DISP1: variants seen among roughly 807,000 people sequenced by gnomAD.
DISP1 encodes the protein protein dispatched homolog 1.
DISP1 carries 30 observed loss-of-function variants against 37.3 expected under a neutral mutation model. That is an observed-to-expected ratio of 0.80 (90% CI 0.60 to 1.09). The LOEUF is 1.09. DISP1 is among the 50% of genes least tolerant of loss of function. The pLI, the probability that DISP1 is intolerant of heterozygous loss-of-function variation, is 0.00. For missense variants in DISP1, 1,598 were observed against 1,879.5 expected, an observed-to-expected ratio of 0.85 and a Z score of 2.77; for synonymous variants, 634 against 690.2, an observed-to-expected ratio of 0.92 and a Z score of 1.28.
intron 1 of DISP1, among the ~76,000 whole-genome samples, chr1:222,846,059 T>G (rs1246184429): frequency 1.3e-5 from 2 of 152,238 alleles, no homozygotes; most frequent in Non-Finnish European, 2.9e-5. Flanking sequence ...TCTAGAAATT[T>G]TATAGTTTTT....
intron 3 of DISP1, among the ~76,000 whole-genome samples, chr1:222,951,937 T>A (rs1339526468): frequency 6.6e-6 from 1 of 152,218 alleles, no homozygotes; most frequent in African/African-American, 2.4e-5. Flanking sequence ...AGGCAAGTTT[T>A]ATGTGTAAAC....
At chr1:222,927,306 G>A (rs1286878967) in intron 1 of DISP1, among the ~76,000 whole-genome samples, 1 of 152,082 alleles carries the variant, frequency 6.6e-6, no homozygotes, top group African/African-American at 2.4e-5. Flanking sequence ...CACTAATGAC[G>A]TTGAACATCT....
At chr1:222,905,488 GTCT>G (rs983443352) in intron 1 of DISP1, among the ~76,000 whole-genome samples, 4 of 152,120 alleles carry the variant, frequency 2.6e-5, no homozygotes, top group Non-Finnish European at 4.4e-5. Context: ...CACTGTAGTT[GTCT>G]TCTTAACAGA....
chr1:222,896,171 T>C (rs574080182), intron 1 of DISP1, among the ~76,000 whole-genome samples: 58 of 151,950 alleles, frequency 3.8e-4, no homozygotes, highest in African/African-American at 1.1e-3. Context: ...TAGCTGAGCA[T>C]GGTGATGCAT....
At chr1:222,858,952 A>T (rs1031599563) in intron 1 of DISP1, among the ~76,000 whole-genome samples, 2 of 152,208 alleles carry the variant, frequency 1.3e-5, no homozygotes, top group African/African-American at 4.8e-5. Flanking sequence ...GAACCAAAAT[A>T]TCATTTGACC....
chr1:222,919,065 C>A (rs993660002), intron 1 of DISP1, among the ~76,000 whole-genome samples: 1 of 152,162 alleles, frequency 6.6e-6, no homozygotes, highest in Non-Finnish European at 1.5e-5. Context: ...GCTTGGTTCC[C>A]TCAGTAGGAG....
chr1:222,972,764 A>T (rs758724952), intron 3 of DISP1, among the ~76,000 whole-genome samples: 4 of 152,178 alleles, frequency 2.6e-5, no homozygotes, highest in African/African-American at 9.7e-5. Flanking sequence ...TAATGTTTGT[A>T]CTGTACCTAT....
chr1:222,938,631 G>A (rs931691660), intron 2 of DISP1, among the ~76,000 whole-genome samples: 1 of 151,462 alleles, frequency 6.6e-6, no homozygotes, highest in African/African-American at 2.4e-5. Context: ...TACATAGGAG[G>A]CTGAGGCAGG....
At chr1:222,841,761 A>T (rs1289638737) in intron 1 of DISP1, among the ~76,000 whole-genome samples, 1 of 152,180 alleles carries the variant, frequency 6.6e-6, no homozygotes, top group African/African-American at 2.4e-5. Context: ...CTGTGTGCTA[A>T]TAATTATATG....
At chr1:222,932,407 A>C (rs1482600014) in intron 2 of DISP1, among the ~76,000 whole-genome samples, 1 of 151,966 alleles carries the variant, frequency 6.6e-6, no homozygotes, top group Non-Finnish European at 1.5e-5. Flanking sequence ...ATTAATATTC[A>C]TATTTAATGC....
intron 2 of DISP1, among the ~76,000 whole-genome samples, chr1:222,929,821 A>T (rs1198756039): frequency 1.3e-5 from 2 of 152,134 alleles, no homozygotes; most frequent in East Asian, 3.8e-4. Flanking sequence ...TTGCCAACGT[A>T]TCAAATATTG....
chr1:223,003,082 C>T lies in DISP1; in HGVS notation c.1685C>T (p.Ala562Val). Residue 562 changes from alanine (A) to valine (V), a missense_variant, in exon 9 of 9, where the codon GCC becomes GTC. Transcript: ENST00000675850. This position sits in a 1 kb window ranked among gnomAD's most constrained non-coding sequence, Gnocchi z 4.3. Reference sequence around the variant, plus strand: ...TTTTTTCCTTTTATGAACCTCACTGCCCTCATTATTTTGGTTGGAATTGGA... The same window carrying T: ...TTTTTTCCTTTTATGAACCTCACTGTCCTCATTATTTTGGTTGGAATTGGA... ...FEFFPFMNLT[A>V]LIILVGIGAD... The T allele has an allele frequency of 1.2e-6, 2 of 1,614,088 alleles. No homozygotes were observed. The highest frequency in any genetic ancestry group is 1.7e-6 in the Non-Finnish European group (2 of 1,180,004).
At chr1:222,938,111 A>G (rs1413745779) in intron 2 of DISP1, among the ~76,000 whole-genome samples, 2 of 151,974 alleles carry the variant, frequency 1.3e-5, no homozygotes, top group African/African-American at 4.8e-5. Context: ...GAGCCCTAGC[A>G]GTCTTCCTGC....
At chr1:222,946,470 A>G (rs893006156) in intron 3 of DISP1, among the ~76,000 whole-genome samples, 59 of 151,968 alleles carry the variant, frequency 3.9e-4, no homozygotes, top group Admixed American at 1.0e-3. Context: ...CTGCAGAGGA[A>G]TGGTATGTGT....
chr1:222,825,150 G>T (rs1664008707), intron 1 of DISP1, among the ~76,000 whole-genome samples: 1 of 148,930 alleles, frequency 6.7e-6, no homozygotes, highest in South Asian at 2.2e-4. Flanking sequence ...GATGGGGAAT[G>T]TGGGGGGGCA....
intron 1 of DISP1, among the ~76,000 whole-genome samples, chr1:222,842,265 G>C (rs996677956): frequency 6.6e-6 from 1 of 151,186 alleles, no homozygotes; most frequent in African/African-American, 2.4e-5. Context: ...AATTAAAAAT[G>C]GGATGTCCAA....
chr1:222,837,551 A>G (rs1667315065), intron 1 of DISP1, among the ~76,000 whole-genome samples: 1 of 152,174 alleles, frequency 6.6e-6, no homozygotes, highest in Non-Finnish European at 1.5e-5. Flanking sequence ...TTCACTTTCC[A>G]TCTATTGTGG....
chr1:222,882,700 TGGA>T (rs1670345959), intron 1 of DISP1, among the ~76,000 whole-genome samples: 1 of 152,154 alleles, frequency 6.6e-6, no homozygotes, highest in Admixed American at 6.5e-5. Context: ...TGGTTTTGTA[TGGA>T]ATTTGACAGA....
intron 1 of DISP1, among the ~76,000 whole-genome samples, chr1:222,844,704 T>A (rs72742224): frequency 0.4 from 60,068 of 151,906 alleles, 12,019 homozygotes; most frequent in Middle Eastern, 0.53. Flanking sequence ...AGACATTGAG[T>A]TTTTCTCAAT....
Sources: allele counts gnomAD v4.1 joint callset (sites outside exome capture counted in the v4.1 genomes callset), GRCh38; gene constraint gnomAD v4.1.1; non-coding constraint Gnocchi (gnomAD v3.1); transcripts MANE v1.5; gene names NCBI Gene and HGNC (gene_info 2026-07-23, HGNC 2026-07-21).